The following TMTC3 variants were observed in gnomAD, a reference collection of about 807,000 sequenced individuals.
The protein encoded by TMTC3 is transmembrane O-mannosyltransferase targeting cadherins 3.
TMTC3 carries 52 observed loss-of-function variants against 92.2 expected under a neutral mutation model. The ratio of observed to expected loss-of-function variants is 0.56; its 90% confidence interval spans 0.45 to 0.71. TMTC3 has a LOEUF of 0.71. TMTC3 is among the 30% of genes least tolerant of loss of function. TMTC3 has a pLI of 0.00. For synonymous variants in TMTC3, 339 were observed against 363.3 expected (o/e 0.93, Z 0.76); for missense variants, 896 against 1,057.1 (o/e 0.85, Z 2.11).
chr12:88,166,510 C>G lies in TMTC3; in HGVS notation c.978C>G (p.Phe326Leu). 1 of 1,613,844 alleles carries G rather than the reference C, an allele frequency of 6.2e-7. No individual in the cohort carries two copies. The highest frequency in any genetic ancestry group is 8.5e-7 in the Non-Finnish European group (1 of 1,179,894). Residue 326 changes from phenylalanine to leucine, a missense_variant, in exon 7 of 14, where the codon TTC becomes TTG. Transcript: ENST00000266712. Reference protein sequence around the residue: ...LDIRNLATFTFFCFLGMLGVF... With the variant: ...LDIRNLATFTLFCFLGMLGVF... ...TTCGAAATCTGGCCACATTTACTTT[C>G]TTTTGTTTTCTGGGGATGTTGGGAG...
At chr12:88,148,540 C>T in intron 2 of TMTC3, 36 bp downstream of exon 2, 1 of 1,419,368 alleles carries the variant, frequency 7.0e-7, no homozygotes, top group Non-Finnish European at 9.6e-7. Context: ...GTACATGTCT[C>T]AGATTTTGAA....
At chr12:88,160,962 G>A in intron 6 of TMTC3, 111 bp downstream of exon 6, 1 of 1,127,546 alleles carries the variant, frequency 8.9e-7, no homozygotes, top group Non-Finnish European at 1.2e-6. Context: ...GTTTTATTAA[G>A]CTATAATTAA....
rs1274302323 is a variant in TMTC3 at position 88,174,487 on chromosome 12, A to G, written c.1200-120A>G. On this transcript the variant is annotated intron_variant, in intron 8 of 13. Transcript: ENST00000266712. Reference sequence around the variant, plus strand: ...TGGGTGTTCATTAGAATGAATTAGAATAAATTAACATATGATATTTTAGGA... The same window carrying G: ...TGGGTGTTCATTAGAATGAATTAGAGTAAATTAACATATGATATTTTAGGA... The G allele has an allele frequency of 1.2e-5, 14 of 1,177,702 alleles. No individual in the cohort carries two copies. The East Asian group carries it at 3.6e-4, about 31-fold the overall frequency. The allele number at this position is 1,177,702 out of a possible 1,614,324, so 73.0% of individuals were successfully genotyped here.
intron 13 of TMTC3, among the ~76,000 whole-genome samples, chr12:88,193,906 T>A (rs965415685): frequency 5.9e-5 from 9 of 152,152 alleles, no homozygotes; most frequent in Admixed American, 5.9e-4. Flanking sequence ...GCTTTTTTTT[T>A]GCAATAGAAA....
chr12:88,176,541 T>A (rs1463308081), intron 10 of TMTC3, among the ~76,000 whole-genome samples: 1 of 151,932 alleles, frequency 6.6e-6, no homozygotes, highest in Non-Finnish European at 1.5e-5. Context: ...TTTGGGAGGC[T>A]GACACAGGAG....
At chr12:88,186,919 A>T (rs2041384132) in intron 10 of TMTC3, among the ~76,000 whole-genome samples, 1 of 152,164 alleles carries the variant, frequency 6.6e-6, no homozygotes, top group South Asian at 2.1e-4. Flanking sequence ...TTCTAAGAGC[A>T]TGATTTCAAT....
intron 4 of TMTC3, among the ~76,000 whole-genome samples, chr12:88,155,995 A>G (rs558672764): frequency 6.6e-5 from 10 of 152,192 alleles, no homozygotes; most frequent in Non-Finnish European, 1.2e-4. Flanking sequence ...CTGCAGTCCC[A>G]CCTACCCGGA....
At chr12:88,160,350 A>C (rs530615320) in intron 5 of TMTC3, 121 bp downstream of exon 5, 1 of 598,722 alleles carries the variant, frequency 1.7e-6, no homozygotes, top group South Asian at 3.6e-5. Flanking sequence ...TTTACCAATA[A>C]TAATACCAGA....
chr12:88,180,124 T>C (rs1270213682), intron 10 of TMTC3, among the ~76,000 whole-genome samples: 1 of 152,120 alleles, frequency 6.6e-6, no homozygotes, highest in African/African-American at 2.4e-5. Context: ...GATTGAAGAG[T>C]ACAGATGTGT....
At chr12:88,165,482 A>G (rs1278353151) in intron 6 of TMTC3, among the ~76,000 whole-genome samples, 1 of 152,048 alleles carries the variant, frequency 6.6e-6, no homozygotes, top group Non-Finnish European at 1.5e-5. Context: ...TTCAAATAGT[A>G]TTTATTTTTA....
intron 6 of TMTC3, among the ~76,000 whole-genome samples, chr12:88,161,734 A>G (rs576538080): frequency 2.0e-5 from 3 of 151,170 alleles, no homozygotes; most frequent in Admixed American, 2.0e-4. Context: ...GTGTTGCTTT[A>G]GGGATTTTAG....
intron 4 of TMTC3, among the ~76,000 whole-genome samples, chr12:88,156,586 C>T (rs1259669144): frequency 6.6e-6 from 1 of 152,094 alleles, no homozygotes; most frequent in Non-Finnish European, 1.5e-5. Flanking sequence ...TTCTGAAGTG[C>T]TCTGCTTTTA....
chr12:88,172,581 C>A lies in TMTC3; in HGVS notation c.1051-16C>A, dbSNP rs1169831548. The A allele has an allele frequency of 3.8e-5, 39 of 1,025,848 alleles. No homozygotes were observed. The highest frequency in any genetic ancestry group is 4.7e-5 in the Non-Finnish European group (37 of 779,096). The allele number at this position is 1,025,848 out of a possible 1,614,324, so 63.5% of individuals were successfully genotyped here. A position where few individuals can be genotyped will look rare whatever the true frequency, so the allele number is the denominator to read the frequency against. ...AATTTATTATAAATTATTAAATCTT[C>A]TTTTTTTTTTTGTAGGCGCTTTGTT... On this transcript the variant is annotated splice_polypyrimidine_tract_variant and intron_variant, in intron 7 of 13. Transcript: ENST00000266712.
chr12:88,154,088 G>A (rs765630863), intron 3 of TMTC3, among the ~76,000 whole-genome samples, 200 bp from the exon 4 acceptor site: 37 of 152,054 alleles, frequency 2.4e-4, no homozygotes, highest in Admixed American at 3.9e-4. Flanking sequence ...ATTTAAAAAA[G>A]TATAAACTGT....
chr12:88,172,436 A>G (rs2041214514), intron 7 of TMTC3, among the ~76,000 whole-genome samples, 161 bp from the exon 8 acceptor site: 1 of 151,878 alleles, frequency 6.6e-6, no homozygotes, highest in Non-Finnish European at 1.5e-5. Flanking sequence ...GTTTAAATTA[A>G]TATTCTTCAC....
intron 7 of TMTC3, among the ~76,000 whole-genome samples, chr12:88,169,252 T>C (rs1468470383): frequency 6.6e-6 from 1 of 152,126 alleles, no homozygotes; most frequent in Non-Finnish European, 1.5e-5. Context: ...TTTGGGACTT[T>C]CTCTAGCAGT....
intron 3 of TMTC3, among the ~76,000 whole-genome samples, 185 bp downstream of exon 3, chr12:88,153,694 C>CTGTGTA (rs1160817091): frequency 4.6e-5 from 7 of 151,994 alleles, no homozygotes; most frequent in African/African-American, 1.7e-4. Context: ...TAACTTCCTA[C>CTGTGTA]TGTGTAAAAT....
intron 6 of TMTC3, among the ~76,000 whole-genome samples, chr12:88,165,612 A>G (rs940723099): frequency 6.6e-6 from 1 of 152,120 alleles, no homozygotes; most frequent in African/African-American, 2.4e-5. Context: ...ATTATAACCA[A>G]TATAATTTAG....
At position 88,199,295 on chromosome 12, in the gene TMTC3, A is replaced by G. The variant is rs950614752; in HGVS notation, c.*3646A>G. On this transcript the variant is annotated 3_prime_UTR_variant, in exon 14 of 14. Transcript: ENST00000266712. The stretch of plus-strand genomic sequence containing the variant: ...TAACTTAGAGGAAATTGTTCTACCT[A>G]TATGTCCTCAGTTTCTTCATCTACA... 4.6e-5 allele frequency: 7 copies of G among 151,994 alleles called. No individual in the cohort carries two copies. Among genetic ancestry groups the G allele is most frequent in the Admixed American group, 2.6e-4 (4 of 15,256 alleles). 9.4% of individuals were successfully genotyped at this position (151,994 alleles called of 1,614,324 possible). A position where few individuals can be genotyped will look rare whatever the true frequency, so the allele number is the denominator to read the frequency against.
Sources: allele counts gnomAD v4.1 joint callset (sites outside exome capture counted in the v4.1 genomes callset), GRCh38; gene constraint gnomAD v4.1.1; transcripts MANE v1.5; gene names NCBI Gene and HGNC (gene_info 2026-07-23, HGNC 2026-07-21).